The following CALB2 variants were observed in gnomAD, a reference collection of about 807,000 sequenced individuals.
CALB2 encodes calretinin.
A neutral mutation model predicts 45.9 loss-of-function variants in CALB2; 34 were observed. The observed-to-expected ratio is 0.74, with a 90% CI of 0.56 to 0.99. The LOEUF (loss-of-function observed/expected upper bound fraction) is 0.99. CALB2 is among the 50% of genes least tolerant of loss of function. CALB2 has a pLI of 0.00. For missense variants in CALB2, 344 were observed against 339.3 expected (o/e 1.01, Z -0.11); for synonymous variants, 142 against 129.6 (o/e 1.10, Z -0.65).
intron 4 of CALB2, among the ~76,000 whole-genome samples, chr16:71,380,286 CCTTTTCTTTTTT>C (rs1567541493): frequency 9.4e-6 from 1 of 106,794 alleles, no homozygotes; most frequent in African/African-American, 4.0e-5. Flanking sequence ...TTCTTTCCTT[CCTTTTCTTTTTT>C]TTTTTTTTTT....
At chr16:71,387,102 C>A (rs1466059279) in intron 10 of CALB2, among the ~76,000 whole-genome samples, 1 of 152,192 alleles carries the variant, frequency 6.6e-6, no homozygotes, top group Non-Finnish European at 1.5e-5. Flanking sequence ...AGTTTGTCTT[C>A]ATGAGACTCT....
chr16:71,370,289 G>A (rs1199036002), intron 1 of CALB2, among the ~76,000 whole-genome samples: 2 of 152,152 alleles, frequency 1.3e-5, no homozygotes, highest in African/African-American at 2.4e-5. Context: ...CAGAGGCTGG[G>A]GTAAATGCTC....
At chr16:71,377,644 T>G in intron 3 of CALB2, 23 bp from the exon 4 acceptor site, 1 of 1,576,534 alleles carries the variant, frequency 6.3e-7, no homozygotes, top group East Asian at 2.2e-5. Flanking sequence ...ATAACGTTAG[T>G]GTCGCTCTCT....
At chr16:71,385,383 C>T in intron 9 of CALB2, 194 bp from the exon 10 acceptor site, 1 of 485,902 alleles carries the variant, frequency 2.1e-6, no homozygotes, top group Non-Finnish European at 3.7e-6. Context: ...CTACCCAAAG[C>T]TTGCACCCAC....
At chr16:71,381,003 C>A (rs994190692) in intron 4 of CALB2, among the ~76,000 whole-genome samples, 2 of 152,230 alleles carry the variant, frequency 1.3e-5, no homozygotes, top group African/African-American at 4.8e-5. Flanking sequence ...CCAGAGCTGG[C>A]ATCCTGGCGG....
At position 71,390,117 on chromosome 16, in the gene CALB2, GGAGGGTCCCTAATT is replaced by G; in HGVS notation, c.*253_*266del. On this transcript the variant is annotated 3_prime_UTR_variant, in exon 11 of 11. Transcript: ENST00000302628. ...CATGGAAGGTGATGGGGGCATGGGT[GGAGGGTCCCTAATT>G]CTCTTCGCTGTGATGCATGAGCTCC... The G allele has an allele frequency of 2.1e-6, 1 of 472,014 alleles. No individual in the cohort carries two copies. The highest frequency in any genetic ancestry group is 3.8e-6 in the Non-Finnish European group (1 of 262,228). The allele number at this position is 472,014 out of a possible 1,614,324, so 29.2% of individuals were successfully genotyped here. A position where few individuals can be genotyped will look rare whatever the true frequency, so the allele number is the denominator to read the frequency against.
rs761412147 is a variant in CALB2, at chr16:71,372,135, TTC to T, written c.95-10_95-9del. The T allele has an allele frequency of 1.6e-5, 25 of 1,576,994 alleles. No individual in the cohort carries two copies. Among genetic ancestry groups the T allele is most frequent in the African/African-American group, 2.7e-5 (2 of 74,134 alleles). On this transcript the variant is annotated splice_polypyrimidine_tract_variant and intron_variant, in intron 1 of 10. Coordinates refer to ENST00000302628, the MANE Select transcript of CALB2 (RefSeq NM_001740.5). ...ACTATTTAGTGCTGAGATTGATTTT[TTC>T]TCTCTCTTTTTACAGGAAATGGGTA...
intron 4 of CALB2, among the ~76,000 whole-genome samples, chr16:71,381,409 CAAA>C (rs72039915): frequency 3.7e-5 from 5 of 134,538 alleles, no homozygotes; most frequent in Admixed American, 7.3e-5. Flanking sequence ...TGTCTTGTGA[CAAA>C]AAAAAAAAAA....
intron 6 of CALB2, among the ~76,000 whole-genome samples, 172 bp from the exon 7 acceptor site, chr16:71,383,798 C>A (rs2042529863): frequency 6.6e-6 from 1 of 152,044 alleles, no homozygotes; most frequent in African/African-American, 2.4e-5. Flanking sequence ...TGTGGTCCAC[C>A]CAGGGGACCC....
At chr16:71,369,792 C>T (rs1321202506) in intron 1 of CALB2, among the ~76,000 whole-genome samples, 6 of 152,006 alleles carry the variant, frequency 3.9e-5, no homozygotes, top group African/African-American at 1.5e-4. Context: ...AAGAATGTGA[C>T]TTTGCCTTCT....
chr16:71,379,091 A>G (rs2042453433), intron 4 of CALB2, among the ~76,000 whole-genome samples: 1 of 152,144 alleles, frequency 6.6e-6, no homozygotes, highest in African/African-American at 2.4e-5. Context: ...AGCCTGGGCA[A>G]CATGGAAAAA....
intron 9 of CALB2, 110 bp downstream of exon 9, chr16:71,384,946 G>C (rs143336859): frequency 5.6e-6 from 5 of 898,526 alleles, no homozygotes; most frequent in Middle Eastern, 6.4e-4. Flanking sequence ...GGCCTGGGCC[G>C]TGTGGTTTCT....
chr16:71,365,594 AC>A (rs2042275440), intron 1 of CALB2, among the ~76,000 whole-genome samples: 1 of 151,994 alleles, frequency 6.6e-6, no homozygotes, highest in Admixed American at 6.6e-5. Flanking sequence ...GTTGGGCACC[AC>A]CCCCCAGAGA....
intron 1 of CALB2, among the ~76,000 whole-genome samples, chr16:71,360,860 G>T (rs1326723513): frequency 1.3e-5 from 2 of 152,196 alleles, no homozygotes; most frequent in African/African-American, 2.4e-5. Context: ...GGTGGGGCTG[G>T]TTCCTGGCCA....
At position 71,361,634 on chromosome 16, in the gene CALB2, T is replaced by C. The variant is rs536260875; in HGVS notation, c.94+2748T>C. 3.3e-3 allele frequency among the ~76,000 whole-genome samples: 495 copies of C among 152,222 alleles called. 5 individuals are homozygous for C. Among genetic ancestry groups the C allele is most frequent in the African/African-American group, 0.011 (470 of 41,546 alleles). On this transcript the variant is annotated intron_variant, in intron 1 of 10. Transcript: ENST00000302628. ...GAGCCACCTCCCCACCCCTTCTGGA[T>C]GCTGGCTGGTAGTAAACAAAGACAA...
At chr16:71,376,392 G>T (rs1207294264) in intron 3 of CALB2, among the ~76,000 whole-genome samples, 4 of 152,166 alleles carry the variant, frequency 2.6e-5, no homozygotes, top group Non-Finnish European at 4.4e-5. Context: ...AGTTCTCTTG[G>T]TTCTGTTCTC....
At chr16:71,384,287 T>A (rs1032622174) in intron 7 of CALB2, 52 bp from the exon 8 acceptor site, 1 of 1,482,100 alleles carries the variant, frequency 6.7e-7, no homozygotes, top group South Asian at 1.1e-5. Context: ...CCTCTCCCGC[T>A]TGCCCTTGCC....
chr16:71,367,740 A>C (rs1261016058), intron 1 of CALB2, among the ~76,000 whole-genome samples: 1 of 152,232 alleles, frequency 6.6e-6, no homozygotes, highest in East Asian at 1.9e-4. Flanking sequence ...CTCAGTTCAA[A>C]ACATCAAGGC....
rs551647579 is a variant in CALB2, at chr16:71,377,571, C to T, written c.262-96C>T. On this transcript the variant is annotated intron_variant, in intron 3 of 10. Transcript: ENST00000302628. The stretch of plus-strand genomic sequence containing the variant: ...AGAAAACGCAATTCCCACACTGCCT[C>T]GCCACTGGCCCTTTCCATCCTTCTT... 1.2e-5 allele frequency: 9 copies of T among 777,068 alleles called. No individual in the cohort carries two copies. In the African/African-American group the frequency reaches 1.4e-4, roughly 12 times the overall value. The allele number at this position is 777,068 out of a possible 1,614,324, so 48.1% of individuals were successfully genotyped here.
Sources: allele counts gnomAD v4.1 joint callset (sites outside exome capture counted in the v4.1 genomes callset), GRCh38; gene constraint gnomAD v4.1.1; transcripts MANE v1.5; gene names NCBI Gene and HGNC (gene_info 2026-07-23, HGNC 2026-07-21).